The following TRAPPC9 variants were observed in gnomAD, a reference collection of about 807,000 sequenced individuals.
TRAPPC9 encodes the protein trafficking protein particle complex subunit 9, also known as IKK2 binding protein.
In TRAPPC9, 83 loss-of-function variants were observed where a neutral mutation model predicts 124.0. The observed-to-expected ratio is 0.67, with a 90% CI of 0.56 to 0.80. TRAPPC9 has a LOEUF of 0.80. Ranked by LOEUF, TRAPPC9 falls within the 30% of genes least tolerant of loss-of-function variation. The pLI, the probability that TRAPPC9 is intolerant of heterozygous loss-of-function variation, is 0.00. For synonymous variants in TRAPPC9, 638 were observed against 617.5 expected (o/e 1.03, Z -0.49); for missense variants, 1,302 against 1,508.3 (o/e 0.86, Z 2.27).
intron 17 of TRAPPC9, among the ~76,000 whole-genome samples, chr8:140,165,517 T>C (rs1307482560): frequency 6.9e-6 from 1 of 143,986 alleles, no homozygotes; most frequent in Non-Finnish European, 1.5e-5. Flanking sequence ...CCAGCCTGGG[T>C]GACAGAATGA....
At chr8:140,129,541 A>G (rs914498605) in intron 17 of TRAPPC9, among the ~76,000 whole-genome samples, 3 of 152,162 alleles carry the variant, frequency 2.0e-5, no homozygotes, top group African/African-American at 7.2e-5. Flanking sequence ...CGGGGGATGG[A>G]ACCCGAGCTG....
chr8:139,988,337 T>A (rs2131706695), intron 19 of TRAPPC9, among the ~76,000 whole-genome samples: 1 of 152,154 alleles, frequency 6.6e-6, no homozygotes, highest in African/African-American at 2.4e-5. Context: ...GGTCTTGAAC[T>A]CCTGATCTCA....
chr8:140,282,578 A>G (rs892197755), intron 14 of TRAPPC9, among the ~76,000 whole-genome samples: 2 of 151,898 alleles, frequency 1.3e-5, no homozygotes, highest in African/African-American at 4.8e-5. Flanking sequence ...AAAAAAAAAA[A>G]ATTGAGACCA....
chr8:140,228,147 C>A (rs2063498669), intron 16 of TRAPPC9, among the ~76,000 whole-genome samples: 1 of 152,242 alleles, frequency 6.6e-6, no homozygotes, highest in African/African-American at 2.4e-5. Context: ...TCAAAAGAGA[C>A]ACTAATGCAT....
intron 19 of TRAPPC9, among the ~76,000 whole-genome samples, chr8:139,912,384 G>T (rs1451604951): frequency 1.3e-5 from 2 of 152,018 alleles, no homozygotes; most frequent in Non-Finnish European, 2.9e-5. Flanking sequence ...CTACAGAATG[G>T]TTCTCCTATT....
chr8:140,264,824 C>T (rs1198884201), intron 15 of TRAPPC9, among the ~76,000 whole-genome samples: 2 of 152,092 alleles, frequency 1.3e-5, no homozygotes, highest in Non-Finnish European at 2.9e-5. Context: ...CTACTCCTAC[C>T]CCACCCACCC....
chr8:140,247,813 A>T (rs1240151288), intron 16 of TRAPPC9, among the ~76,000 whole-genome samples: 1 of 152,044 alleles, frequency 6.6e-6, no homozygotes, highest in Non-Finnish European at 1.5e-5. Context: ...TCTGGCAGGT[A>T]TATATAACTC....
At chr8:139,851,942 G>C (rs1455748587) in intron 21 of TRAPPC9, among the ~76,000 whole-genome samples, 1 of 152,170 alleles carries the variant, frequency 6.6e-6, no homozygotes, top group Non-Finnish European at 1.5e-5. Context: ...GGGTCTGCCA[G>C]GGGAATGAAG....
At chr8:139,827,660 A>AAGCCAGGTGTCCTGGCAAAGCC in intron 21 of TRAPPC9, among the ~76,000 whole-genome samples, 1 of 152,344 alleles carries the variant, frequency 6.6e-6, no homozygotes, top group African/African-American at 2.4e-5. Context: ...AGGCTCTGAG[A>AAGCCAGGTGTCCTGGCAAAGCC]AGCCAGGTGT....
intron 17 of TRAPPC9, among the ~76,000 whole-genome samples, chr8:140,068,158 G>A (rs1209451735): frequency 2.0e-5 from 3 of 152,082 alleles, no homozygotes; most frequent in Non-Finnish European, 2.9e-5. Flanking sequence ...TCACCCTCAC[G>A]GCCCCAGTGC....
intron 17 of TRAPPC9, among the ~76,000 whole-genome samples, chr8:140,026,607 T>C (rs906055909): frequency 1.2e-4 from 18 of 152,208 alleles, no homozygotes; most frequent in African/African-American, 4.1e-4. Flanking sequence ...CATCTTTTTA[T>C]GTGCTTATGG....
chr8:140,196,981 C>A (rs201347413), intron 17 of TRAPPC9, among the ~76,000 whole-genome samples: 7 of 145,320 alleles, frequency 4.8e-5, no homozygotes, highest in African/African-American at 1.5e-4. Flanking sequence ...GTCATTTTAT[C>A]TTTTATATCC....
At chr8:140,027,005 C>G (rs953846542) in intron 17 of TRAPPC9, among the ~76,000 whole-genome samples, 1 of 152,222 alleles carries the variant, frequency 6.6e-6, no homozygotes, top group Non-Finnish European at 1.5e-5. Flanking sequence ...ACGTCTCAGA[C>G]CTCTTACATT....
intron 17 of TRAPPC9, among the ~76,000 whole-genome samples, chr8:140,131,799 T>C (rs1016225012): frequency 6.6e-6 from 1 of 152,168 alleles, no homozygotes; most frequent in Non-Finnish European, 1.5e-5. Context: ...TTCAGTAACA[T>C]CTCACCGACT....
rs1163341770 is a variant in TRAPPC9, at chr8:140,079,516, G to T, written c.2557-55437C>A. ...GAAAAGAGGCACCTGCAGAAGGGCA[G>T]TGAAGTTTGTTCATATTTATTACAA... is the stretch of plus-strand genomic sequence containing the variant. On this transcript the variant is annotated intron_variant, in intron 17 of 22. Transcript: ENST00000438773. Among the ~76,000 whole-genome samples, 3 of 152,292 alleles carry T rather than the reference G, an allele frequency of 2.0e-5. 1 individual carries two copies. In the South Asian group the frequency reaches 6.2e-4, roughly 32 times the overall value.
At position 140,393,692 on chromosome 8, in the gene TRAPPC9, A is replaced by G. The variant is rs544070801; in HGVS notation, c.1134+3928T>C. ...AATAATCATATCTCAGTTCCTTTCAAAATTTCCATATTAGCCAAAGTCATT... is the reference window on the plus strand; with the variant it reads ...AATAATCATATCTCAGTTCCTTTCAGAATTTCCATATTAGCCAAAGTCATT... On this transcript the variant is annotated intron_variant, in intron 7 of 22. Transcript: ENST00000438773. Among the ~76,000 whole-genome samples the G allele has an allele frequency of 6.6e-5, 10 of 152,356 alleles. No homozygotes were observed. The East Asian group carries it at 1.9e-3, about 29-fold the overall frequency.
intron 9 of TRAPPC9, among the ~76,000 whole-genome samples, chr8:140,357,215 C>T (rs2067780226): frequency 6.6e-6 from 1 of 152,090 alleles, no homozygotes; most frequent in Non-Finnish European, 1.5e-5. Context: ...CAAGAGGAGG[C>T]CAGGCCCAAG....
intron 17 of TRAPPC9, among the ~76,000 whole-genome samples, chr8:140,073,063 G>C (rs901557844): frequency 6.6e-6 from 1 of 152,140 alleles, no homozygotes; most frequent in Non-Finnish European, 1.5e-5. Context: ...CATGGTGAAG[G>C]CGCACAGCAC....
intron 17 of TRAPPC9, among the ~76,000 whole-genome samples, chr8:140,037,393 C>A (rs1321652264): frequency 1.3e-5 from 2 of 151,908 alleles, no homozygotes; most frequent in East Asian, 1.9e-4. Flanking sequence ...AGATAAGATA[C>A]TTGGAACAAA....
Sources: gnomAD v4.1 joint callset for allele counts (sites outside exome capture counted in the v4.1 genomes callset) on GRCh38, gnomAD v4.1.1 for gene constraint, MANE v1.5 for transcripts, NCBI Gene and HGNC (gene_info 2026-07-23, HGNC 2026-07-21) for gene names.